The following FMN2 variants were observed in gnomAD, a reference collection of about 807,000 sequenced individuals.
FMN2 encodes formin 2.
A neutral mutation model predicts 142.3 loss-of-function variants in FMN2; 51 were observed. The observed-to-expected ratio is 0.36, with a 90% CI of 0.29 to 0.45. The LOEUF (loss-of-function observed/expected upper bound fraction) is 0.45, where lower values mean the gene tolerates loss of function less well. Among genes scored for constraint, FMN2 ranks in the 20% least tolerant of loss-of-function variants. FMN2 has a pLI of 1.00. For synonymous variants in FMN2, 882 were observed against 869.8 expected (o/e 1.01, Z -0.25); for missense variants, 1,936 against 2,122.8 (o/e 0.91, Z 1.73).
chr1:240,304,840 G>T (rs577285984), intron 8 of FMN2, among the ~76,000 whole-genome samples: 39 of 152,300 alleles, frequency 2.6e-4, no homozygotes, highest in African/African-American at 8.9e-4. Flanking sequence ...GGCCGGGAGT[G>T]GGGGATAGGT....
At chr1:240,249,602 T>G (rs1178797054) in intron 6 of FMN2, among the ~76,000 whole-genome samples, 1 of 152,140 alleles carries the variant, frequency 6.6e-6, no homozygotes, top group Non-Finnish European at 1.5e-5. Context: ...TGTTTTTGGC[T>G]CCATAAGAAT....
intron 15 of FMN2, among the ~76,000 whole-genome samples, chr1:240,393,265 T>G (rs992938820): frequency 4.6e-5 from 7 of 152,182 alleles, no homozygotes; most frequent in Admixed American, 1.3e-4. Context: ...ACACCTCATG[T>G]CTCTGTGTTA....
intron 5 of FMN2, among the ~76,000 whole-genome samples, chr1:240,209,545 G>T (rs1357772753): frequency 1.3e-5 from 2 of 150,548 alleles, no homozygotes; most frequent in Non-Finnish European, 3.0e-5. Flanking sequence ...TGAGCCACCG[G>T]GCACGGCCGC....
At chr1:240,461,779 G>A (rs1158978358) in intron 16 of FMN2, among the ~76,000 whole-genome samples, 1 of 152,072 alleles carries the variant, frequency 6.6e-6, no homozygotes, top group African/African-American at 2.4e-5. Context: ...GCCCCAGCCT[G>A]CTCATCTCTA....
At chr1:240,400,157 T>A (rs994928444) in intron 15 of FMN2, among the ~76,000 whole-genome samples, 1 of 152,080 alleles carries the variant, frequency 6.6e-6, no homozygotes, top group Non-Finnish European at 1.5e-5. Context: ...CCAAGAAGGA[T>A]CCTTTTGGGA....
chr1:240,165,239 G>C (rs931907313), intron 2 of FMN2, among the ~76,000 whole-genome samples: 1 of 152,090 alleles, frequency 6.6e-6, no homozygotes, highest in Non-Finnish European at 1.5e-5. Context: ...GCTGTGGTGC[G>C]ATCATAGCTC....
At chr1:240,334,651 T>C (rs1191327674) in intron 13 of FMN2, among the ~76,000 whole-genome samples, 2 of 29,752 alleles carry the variant, frequency 6.7e-5, no homozygotes, top group Non-Finnish European at 1.1e-4. Flanking sequence ...GAACAAAATA[T>C]CTTCTACTTA....
intron 6 of FMN2, among the ~76,000 whole-genome samples, chr1:240,251,289 T>C (rs1668271342): frequency 6.6e-6 from 1 of 152,132 alleles, no homozygotes; most frequent in African/African-American, 2.4e-5. Context: ...TTCATTTGCT[T>C]CTAGGATTTT....
chr1:240,102,235 A>G (rs1160799064), intron 1 of FMN2, among the ~76,000 whole-genome samples: 2 of 152,176 alleles, frequency 1.3e-5, no homozygotes, highest in Non-Finnish European at 2.9e-5. Flanking sequence ...TTACTTTAAA[A>G]AGAAAAAAGT....
chr1:240,298,485 C>A (rs6661974), intron 8 of FMN2, among the ~76,000 whole-genome samples: 1 of 152,134 alleles, frequency 6.6e-6, no homozygotes, highest in Non-Finnish European at 1.5e-5. Flanking sequence ...GTCCTCAACC[C>A]TCAGGCCAAG....
chr1:240,103,791 A>G (rs1661494933), intron 1 of FMN2, among the ~76,000 whole-genome samples: 2 of 152,226 alleles, frequency 1.3e-5, no homozygotes, highest in African/African-American at 4.8e-5. Context: ...GTTCCGGTAT[A>G]GAAACATGTC....
chr1:240,288,659 A>AGT (rs1263942999), intron 7 of FMN2, among the ~76,000 whole-genome samples: 1 of 152,110 alleles, frequency 6.6e-6, no homozygotes, highest in Non-Finnish European at 1.5e-5. Flanking sequence ...AGAATAGAAC[A>AGT]GAACAGGGGT....
At chr1:240,126,901 C>T (rs764985086) in intron 2 of FMN2, among the ~76,000 whole-genome samples, 4 of 152,032 alleles carry the variant, frequency 2.6e-5, no homozygotes, top group Non-Finnish European at 5.9e-5. Context: ...ACAGGACCAA[C>T]AGGATGGAGT....
At chr1:240,428,246 T>A (rs1049241741) in intron 15 of FMN2, among the ~76,000 whole-genome samples, 8 of 150,024 alleles carry the variant, frequency 5.3e-5, no homozygotes, top group South Asian at 2.1e-4. Context: ...TTTTTTTTTT[T>A]AAATACAGAG....
intron 17 of FMN2, among the ~76,000 whole-genome samples, chr1:240,472,829 C>G (rs925657019): frequency 6.6e-6 from 1 of 151,648 alleles, no homozygotes; most frequent in East Asian, 1.9e-4. Flanking sequence ...CCTGTAGTCC[C>G]AGCTACTTGG....
chr1:240,267,451 A>T (rs751941398), intron 7 of FMN2, among the ~76,000 whole-genome samples: 19 of 152,082 alleles, frequency 1.2e-4, no homozygotes, highest in Non-Finnish European at 2.5e-4. Context: ...ACGTGGACAC[A>T]TAGAGGAGAA....
chr1:240,243,245 T>C (rs1330183645), intron 6 of FMN2, among the ~76,000 whole-genome samples: 1 of 152,224 alleles, frequency 6.6e-6, no homozygotes, highest in Non-Finnish European at 1.5e-5. Flanking sequence ...ACTGCTGTTT[T>C]CATGAAATAG....
intron 16 of FMN2, among the ~76,000 whole-genome samples, chr1:240,468,066 A>C (rs534423450): frequency 2.6e-5 from 4 of 152,156 alleles, no homozygotes; most frequent in Admixed American, 2.6e-4. Context: ...AGAAGTTGCA[A>C]CTGTTAAAAT....
intron 15 of FMN2, among the ~76,000 whole-genome samples, chr1:240,413,413 A>G (rs1674480464): frequency 1.3e-5 from 2 of 151,992 alleles, no homozygotes; most frequent in Non-Finnish European, 2.9e-5. Context: ...TCCTGGGCAG[A>G]ATTATTTTAG....
Sources: gnomAD v4.1 joint callset for allele counts (sites outside exome capture counted in the v4.1 genomes callset) on GRCh38, gnomAD v4.1.1 for gene constraint, MANE v1.5 for transcripts, NCBI Gene and HGNC (gene_info 2026-07-23, HGNC 2026-07-21) for gene names.